INPP4B: variants seen among roughly 807,000 people sequenced by gnomAD.
INPP4B encodes inositol polyphosphate 4-phosphatase type II.
A neutral mutation model predicts 122.5 loss-of-function variants in INPP4B; 55 were observed. That is an observed-to-expected ratio of 0.45 (90% confidence interval 0.36 to 0.56). INPP4B has a LOEUF of 0.56. Ranked by LOEUF, INPP4B falls within the 20% of genes least tolerant of loss-of-function variation. The pLI is 0.00. For missense variants in INPP4B, 1,000 were observed against 1,097.7 expected, an observed-to-expected ratio of 0.91 and a Z score of 1.26; for synonymous variants, 403 against 388.7, an observed-to-expected ratio of 1.04 and a Z score of -0.43.
intron 2 of INPP4B, chr4:142,560,385 G>A (rs1273166216): frequency 2.0e-5 from 3 of 152,180 alleles, no homozygotes; most frequent in African/African-American, 7.2e-5. Context: ...ATTAGTCAGA[G>A]TTCTCTAGAG....
intron 2 of INPP4B, among the ~76,000 whole-genome samples, chr4:142,712,291 A>C (rs1024402614): frequency 6.6e-6 from 1 of 152,212 alleles, no homozygotes; most frequent in Non-Finnish European, 1.5e-5. Context: ...CCACTAGGCA[A>C]AAATAAGAGG....
At chr4:142,542,361 A>G (rs1405770416) in intron 2 of INPP4B, among the ~76,000 whole-genome samples, 1 of 152,206 alleles carries the variant, frequency 6.6e-6, no homozygotes, top group Non-Finnish European at 1.5e-5. Context: ...TTAGAAACTC[A>G]TTGATACAAT....
intron 7 of INPP4B, among the ~76,000 whole-genome samples, chr4:142,377,947 C>T (rs1792610615): frequency 6.6e-6 from 1 of 152,062 alleles, no homozygotes; most frequent in South Asian, 2.1e-4. Context: ...CTTTTGGAGT[C>T]AGATACCGTC....
chr4:142,504,201 C>T (rs931471836), intron 2 of INPP4B, among the ~76,000 whole-genome samples: 1 of 151,832 alleles, frequency 6.6e-6, no homozygotes, highest in African/African-American at 2.4e-5. Flanking sequence ...AAGAAGACAA[C>T]TCAATAGAAA....
At chr4:142,689,342 C>T (rs1257201389) in intron 2 of INPP4B, among the ~76,000 whole-genome samples, 1 of 152,054 alleles carries the variant, frequency 6.6e-6, no homozygotes, top group Admixed American at 6.6e-5. Flanking sequence ...TCTTTCTCAC[C>T]AATTAATTTA....
intron 11 of INPP4B, among the ~76,000 whole-genome samples, chr4:142,254,599 T>C (rs1348977426): frequency 6.6e-6 from 1 of 152,024 alleles, no homozygotes; most frequent in Non-Finnish European, 1.5e-5. Context: ...GAAGAAAGGG[T>C]ATCAGCGATG....
intron 1 of INPP4B, among the ~76,000 whole-genome samples, chr4:142,748,636 C>CCT (rs752993631): frequency 1.5e-4 from 23 of 151,198 alleles, no homozygotes; most frequent in Non-Finnish European, 2.9e-4. Context: ...ATGGACATTT[C>CCT]CTAAACAACT....
intron 2 of INPP4B, among the ~76,000 whole-genome samples, chr4:142,506,452 T>C (rs2149842256): frequency 6.6e-6 from 1 of 152,260 alleles, no homozygotes; most frequent in Non-Finnish European, 1.5e-5. Context: ...GGGTTAGGCT[T>C]TTCACCTCCT....
intron 15 of INPP4B, among the ~76,000 whole-genome samples, chr4:142,186,872 A>G (rs1162841184): frequency 6.6e-6 from 1 of 152,182 alleles, no homozygotes; most frequent in Non-Finnish European, 1.5e-5. Flanking sequence ...TATTTACTTC[A>G]TACAGTATGT....
chr4:142,623,759 C>G (rs1467203768), intron 2 of INPP4B, among the ~76,000 whole-genome samples: 1 of 150,502 alleles, frequency 6.6e-6, no homozygotes, highest in East Asian at 2.0e-4. Flanking sequence ...TGATGTTCCC[C>G]TTCCTGTGTC....
intron 2 of INPP4B, among the ~76,000 whole-genome samples, chr4:142,720,575 G>T (rs774779994): frequency 2.7e-5 from 4 of 150,816 alleles, no homozygotes; most frequent in Admixed American, 2.6e-4. Context: ...CAGTGTAAAC[G>T]CTATATAAAT....
At chr4:142,232,175 A>AT (rs1854673323) in intron 12 of INPP4B, among the ~76,000 whole-genome samples, 1 of 152,076 alleles carries the variant, frequency 6.6e-6, no homozygotes, top group Non-Finnish European at 1.5e-5. Context: ...GTATTTACTA[A>AT]TTTTTTGTTA....
At chr4:142,479,960 A>C (rs1382927016) in intron 2 of INPP4B, among the ~76,000 whole-genome samples, 1 of 152,176 alleles carries the variant, frequency 6.6e-6, no homozygotes, top group Non-Finnish European at 1.5e-5. Flanking sequence ...CTAAAATAAA[A>C]GTTAAGAAAG....
At chr4:142,084,161 G>T (rs1393500175) in intron 24 of INPP4B, among the ~76,000 whole-genome samples, 1 of 152,070 alleles carries the variant, frequency 6.6e-6, no homozygotes, top group African/African-American at 2.4e-5. Context: ...GTCTCACTCT[G>T]TCACCAGGCT....
At chr4:142,322,083 CA>C (rs1323428442) in intron 7 of INPP4B, among the ~76,000 whole-genome samples, 1 of 152,082 alleles carries the variant, frequency 6.6e-6, no homozygotes, top group East Asian at 1.9e-4. Context: ...CGTTGATACG[CA>C]ATAACAATGG....
At chr4:142,694,305 A>C (rs1760698483) in intron 2 of INPP4B, among the ~76,000 whole-genome samples, 1 of 150,918 alleles carries the variant, frequency 6.6e-6, no homozygotes, top group Non-Finnish European at 1.5e-5. Flanking sequence ...CCCAGGAAAC[A>C]GTGGTTGCAG....
At chr4:142,492,721 A>G (rs1373616859) in intron 2 of INPP4B, among the ~76,000 whole-genome samples, 3 of 152,162 alleles carry the variant, frequency 2.0e-5, no homozygotes, top group Non-Finnish European at 4.4e-5. Context: ...AGCATAGAAA[A>G]GGAGGAAGGG....
chr4:142,178,833 T>TAA lies in INPP4B; in HGVS notation c.1182-5026_1182-5025dup, dbSNP rs3049049. On this transcript the variant is annotated intron_variant, in intron 15 of 25. Coordinates refer to ENST00000262992, the MANE Select transcript of INPP4B (RefSeq NM_001101669.3). ...TTTTTTCTAGCTCAAACCCTACTTG[T>TAA]AAAAAAAAAAAAAAAAATGTGGTCT... 5.9e-3 allele frequency among the ~76,000 whole-genome samples: 835 copies of TAA among 140,522 alleles called. 5 individuals are homozygous for TAA. The highest frequency in any genetic ancestry group is 0.015 in the South Asian group (66 of 4,330). The allele number at this position is 140,522 out of a possible 152,430, so 92.2% of individuals were successfully genotyped here. A position where few individuals can be genotyped will look rare whatever the true frequency, so the allele number is the denominator to read the frequency against.
chr4:142,751,369 T>C (rs1182345407), intron 1 of INPP4B, among the ~76,000 whole-genome samples: 1 of 151,692 alleles, frequency 6.6e-6, no homozygotes, highest in Non-Finnish European at 1.5e-5. Flanking sequence ...AGATGCTGAT[T>C]AGCTGATTTT....
Sources: gnomAD v4.1 joint callset for allele counts (sites outside exome capture counted in the v4.1 genomes callset) on GRCh38, gnomAD v4.1.1 for gene constraint, MANE v1.5 for transcripts, NCBI Gene and HGNC (gene_info 2026-07-23, HGNC 2026-07-21) for gene names.